Variants in PIAS4 observed in about 807,000 individuals in gnomAD.
PIAS4 encodes the protein protein inhibitor of activated STAT 4, also known as E3 SUMO-protein ligase PIAS4.
In PIAS4, 7 loss-of-function variants were observed where a neutral mutation model predicts 58.0. The ratio of observed to expected loss-of-function variants is 0.12; its 90% confidence interval spans 0.07 to 0.23. The LOEUF is 0.23. Ranked by LOEUF, PIAS4 falls within the 10% of genes least tolerant of loss-of-function variation. PIAS4 has a pLI of 1.00. For missense variants in PIAS4, 550 were observed against 709.5 expected (o/e 0.78, Z 2.55); for synonymous variants, 364 against 312.4 (o/e 1.17, Z -1.74).
At position 4,033,828 on chromosome 19, in the gene PIAS4, C is replaced by T. The variant is rs964562137; in HGVS notation, c.1142+248C>T. Among the ~76,000 whole-genome samples the T allele has an allele frequency of 3.3e-5, 5 of 152,178 alleles. 1 individual carries two copies. In the South Asian group the frequency reaches 1.0e-3, roughly 31 times the overall value. ...GCAGAAGGTGGGCTCCGGTCCACCC[C>T]GCTCCCACGTGACCTCAGGCAAGTG... On this transcript the variant is annotated intron_variant, in intron 9 of 10. Transcript: ENST00000262971.
In PIAS4 at chr19:4,029,032, A is replaced by C. The variant is rs780669885; in HGVS notation, c.903A>C (p.Ala301=). 1 of 1,599,358 alleles carries C rather than the reference A, an allele frequency of 6.3e-7. No homozygotes were observed. Among genetic ancestry groups the C allele is most frequent in the South Asian group, 1.1e-5 (1 of 89,272 alleles). ...TAAAGCACCCGGAGCTGTGCAAGGC[A>C]CTGGGTGAGCAGCTCAGGCCACCTC... ...IGVKHPELCK[A]LVKEKLRLDP... Residue 301 remains alanine (A), a synonymous_variant, in exon 7 of 11, where the codon GCA becomes GCC. Coordinates refer to ENST00000262971, the MANE Select transcript of PIAS4 (RefSeq NM_015897.4).
chr19:4,028,662 G>A (rs1457491240), intron 5 of PIAS4, 58 bp from the exon 6 acceptor site: 5 of 1,604,478 alleles, frequency 3.1e-6, no homozygotes, highest in Non-Finnish European at 4.3e-6. Flanking sequence ...GGAGGGTGGG[G>A]GCCGTCGGAT....
intron 7 of PIAS4, among the ~76,000 whole-genome samples, chr19:4,032,209 TG>T (rs1349067464): frequency 7.1e-6 from 1 of 141,152 alleles, no homozygotes; most frequent in Admixed American, 7.0e-5. Context: ...CTGGGGGGAG[TG>T]GGGGGGCAGG....
At chr19:4,012,805 C>A in intron 1 of PIAS4, 118 bp from the exon 2 acceptor site, 1 of 1,155,706 alleles carries the variant, frequency 8.7e-7, no homozygotes, top group Non-Finnish European at 1.2e-6. Flanking sequence ...CCAGCCAAGG[C>A]TGGCGCTTCC....
chr19:4,015,005 G>A (rs2040037370), intron 2 of PIAS4, among the ~76,000 whole-genome samples: 2 of 152,220 alleles, frequency 1.3e-5, no homozygotes, highest in South Asian at 4.1e-4. Context: ...CGCCTTCCAA[G>A]TGAGGCTCCG....
intron 9 of PIAS4, among the ~76,000 whole-genome samples, chr19:4,035,580 G>A (rs2040266331): frequency 6.6e-6 from 1 of 152,090 alleles, no homozygotes; most frequent in Non-Finnish European, 1.5e-5. Context: ...TGGGCGTGGG[G>A]AGCCCGCACT....
At chr19:4,012,891 C>T (rs747436364) in intron 1 of PIAS4, 32 bp from the exon 2 acceptor site, 3 of 1,585,000 alleles carry the variant, frequency 1.9e-6, no homozygotes, top group South Asian at 1.1e-5. Context: ...CAGCTGTGTC[C>T]TCTGAGTGTG....
In PIAS4 at chr19:4,029,571, G is replaced by T. The variant is rs572204980; in HGVS notation, c.907+535G>T. 2.5e-4 allele frequency among the ~76,000 whole-genome samples: 38 copies of T among 151,516 alleles called. 1 individual carries two copies. In the South Asian group the frequency reaches 7.7e-3, roughly 31 times the overall value. On this transcript the variant is annotated intron_variant, in intron 7 of 10. Coordinates refer to ENST00000262971, the MANE Select transcript of PIAS4 (RefSeq NM_015897.4). ...TTTTTCTTTTTCTTTTTTTTTTAGA[G>T]AGTCAGGGTCTCTGGGAGGTAGAGG...
At position 4,028,827 on chromosome 19, in the gene PIAS4, C is replaced by T. The variant is rs1215736555; in HGVS notation, c.780C>T (p.Val260=). The T allele has an allele frequency of 1.9e-6, 3 of 1,613,490 alleles. No homozygotes were observed. In the African/African-American group the frequency reaches 4.0e-5, roughly 22 times the overall value. ...CCTCGGCCACCAACCGCATCACTGT[C>T]ACCTGGGGGAACTACGGCAAGGTGA... ...YLSSATNRIT[V]TWGNYGKSYS... Residue 260 remains valine (V), a synonymous_variant, in exon 6 of 11, where the codon GTC becomes GTT. Transcript: ENST00000262971.
chr19:4,033,356 A>G lies in PIAS4; in HGVS notation c.982-64A>G, dbSNP rs960251345. 23 of 1,463,812 alleles carry G rather than the reference A, an allele frequency of 1.6e-5. No homozygotes were observed. The African/African-American group carries it at 3.1e-4, about 20-fold the overall frequency. 90.7% of individuals were successfully genotyped at this position (1,463,812 alleles called of 1,614,324 possible). On this transcript the variant is annotated intron_variant, in intron 8 of 10. Transcript: ENST00000262971. ...GAGCCACAGGATGGAGCTGGGGGTG[A>G]GGGGCACCGGGCAGGCGGGCACAAC...
At chr19:4,028,693 G>C (rs772390424) in intron 5 of PIAS4, 27 bp from the exon 6 acceptor site, 2 of 1,603,564 alleles carry the variant, frequency 1.2e-6, no homozygotes, top group Non-Finnish European at 1.7e-6. Flanking sequence ...CTCTTGGCTC[G>C]AGGCTGAGCG....
rs1473015061 is a variant in PIAS4, at chr19:4,038,503, G to C, written c.*628G>C. 1 of 152,038 alleles carries C rather than the reference G, an allele frequency of 6.6e-6. No individual in the cohort carries two copies. Among genetic ancestry groups the C allele is most frequent in the Non-Finnish European group, 1.5e-5 (1 of 67,990 alleles). The allele number at this position is 152,038 out of a possible 1,614,324, so 9.4% of individuals were successfully genotyped here. On this transcript the variant is annotated 3_prime_UTR_variant, in exon 11 of 11. Coordinates refer to ENST00000262971, the MANE Select transcript of PIAS4 (RefSeq NM_015897.4). The surrounding 1 kb of genome is among the most constrained non-coding windows in gnomAD (Gnocchi z 4.1). ...GGGGTACAGTGGGCGGCTGGGGAGG[G>C]TTTAGCCACAGATGTGTTGTATTTT...
chr19:4,009,692 G>A (rs1460790328), intron 1 of PIAS4, among the ~76,000 whole-genome samples: 1 of 152,080 alleles, frequency 6.6e-6, no homozygotes, highest in African/African-American at 2.4e-5. Flanking sequence ...ACCTCTCCAA[G>A]TACCTTAAAT....
chr19:4,015,544 G>T (rs559219641), intron 2 of PIAS4, among the ~76,000 whole-genome samples: 1 of 152,184 alleles, frequency 6.6e-6, no homozygotes, highest in Non-Finnish European at 1.5e-5. Context: ...GTGCTCTTGG[G>T]GGACTCCCTG....
At chr19:4,036,286 T>TCA (rs138200001) in intron 9 of PIAS4, among the ~76,000 whole-genome samples, 70,768 of 100,062 alleles carry the variant, frequency 0.71, 30,280 homozygotes, top group Non-Finnish European at 0.89. Context: ...GTCTACACCG[T>TCA]CACACACACA....
At chr19:4,015,066 A>C (rs573315062) in intron 2 of PIAS4, among the ~76,000 whole-genome samples, 1 of 152,084 alleles carries the variant, frequency 6.6e-6, no homozygotes, top group East Asian at 1.9e-4. Flanking sequence ...CCTCCTGGGG[A>C]GCAGGTTGGC....
Position 4,028,952 on chromosome 19 carries a change from C to G in PIAS4, c.823C>G (p.Leu275Val). 1 of 1,612,102 alleles carries G rather than the reference C, an allele frequency of 6.2e-7. No individual in the cohort carries two copies. Among genetic ancestry groups the G allele is most frequent in the Non-Finnish European group, 8.5e-7 (1 of 1,179,502 alleles). Residue 275 changes from leucine (L) to valine (V), a missense_variant, in exon 7 of 11, where the codon CTG (leucine) becomes GTG (valine). By Grantham distance (32) the Leu-to-Val change is conservative (BLOSUM62 1). Around this residue, in one of 4 missense-constraint regions of PIAS4, gnomAD observed 225 missense variants for 345.8 expected, o/e 0.65. Transcript: ENST00000262971. Reference sequence around the variant, plus strand: ...CCAGAGCTACTCGGTGGCCCTGTACCTGGTGCGGCAGCTGACCTCATCGGA... The same window carrying G: ...CCAGAGCTACTCGGTGGCCCTGTACGTGGTGCGGCAGCTGACCTCATCGGA... ...YGKSYSVALY[L>V]VRQLTSSELL...
intron 2 of PIAS4, among the ~76,000 whole-genome samples, chr19:4,022,063 C>T (rs1233390347): frequency 2.0e-5 from 3 of 152,036 alleles, no homozygotes; most frequent in Non-Finnish European, 4.4e-5. Flanking sequence ...CTGCAGTTTT[C>T]AGAAAAGGTT....
chr19:4,032,932 C>T (rs1046704074), intron 7 of PIAS4, among the ~76,000 whole-genome samples, 168 bp from the exon 8 acceptor site: 14 of 152,208 alleles, frequency 9.2e-5, no homozygotes, highest in Admixed American at 1.3e-4. Context: ...GGTTGCCACC[C>T]GGCTTTCTCC....
Sources: gnomAD v4.1 joint callset for allele counts (sites outside exome capture counted in the v4.1 genomes callset) on GRCh38, gnomAD v4.1.1 for gene constraint, gnomAD v4.1.1 regional missense constraint, Gnocchi (gnomAD v3.1) non-coding constraint, MANE v1.5 for transcripts, NCBI Gene and HGNC (gene_info 2026-07-23, HGNC 2026-07-21) for gene names.